The following VSIG4 variants were observed in gnomAD, a reference collection of about 807,000 sequenced individuals.
VSIG4 encodes V-set and immunoglobulin domain-containing protein 4.
VSIG4 carries 34 observed loss-of-function variants against 23.4 expected under a neutral mutation model. That is an observed-to-expected ratio of 1.45 (90% confidence interval 1.10 to 1.93). The LOEUF (loss-of-function observed/expected upper bound fraction) is 1.93, where lower values mean the gene tolerates loss of function less well. Ranked by LOEUF, VSIG4 falls within the 30% of genes most tolerant of loss-of-function variation. The pLI is 0.00. For synonymous variants in VSIG4, 169 were observed against 120.3 expected (o/e 1.41, Z -2.65); for missense variants, 433 against 310.8 (o/e 1.39, Z -2.96).
intron 1 of VSIG4, among the ~76,000 whole-genome samples, chrX:66,036,741 A>G (rs1198487922): frequency 2.1e-5 from 1 of 47,273 alleles, no homozygotes; most frequent in African/African-American, 9.1e-5. Context: ...ATTATAATAT[A>G]TTAATAATAT....
chrX:66,034,073 C>G (rs1332342226), intron 1 of VSIG4, among the ~76,000 whole-genome samples: 1 of 111,803 alleles, frequency 8.9e-6, no homozygotes, highest in African/African-American at 3.3e-5. Context: ...TTTTATGTTA[C>G]TGTCTTGCTA....
At position 66,033,551 on chromosome X, in the gene VSIG4, G is replaced by A. The variant is rs766175105; in HGVS notation, c.335C>T (p.Thr112Met). 1.7e-5 allele frequency: 20 copies of A among 1,209,672 alleles called. No individual in the cohort carries two copies. The highest frequency in any genetic ancestry group is 2.3e-4 in the Middle Eastern group (1 of 4,352). ...AGGAGTCTGCCAGGTGACTTCACAC[G>A]TGTAGTGGCTCCGGTCATCCATCTC... ...TLEMDDRSHYTCEVTWQTPDG... is the reference protein window; with the variant it reads ...TLEMDDRSHYMCEVTWQTPDG... Residue 112 changes from threonine (T) to methionine (M), a missense_variant, in exon 2 of 8, where the codon ACG becomes ATG. Coordinates refer to ENST00000374737, the MANE Select transcript of VSIG4 (RefSeq NM_007268.3).
chrX:66,034,302 AC>A (rs754996065), intron 1 of VSIG4, among the ~76,000 whole-genome samples: 2 of 112,069 alleles, frequency 1.8e-5, no homozygotes, highest in Non-Finnish European at 3.8e-5. Context: ...GTAAATTTGC[AC>A]CTGGAGAAAG....
At chrX:66,038,227 G>A (rs1434551195) in intron 1 of VSIG4, among the ~76,000 whole-genome samples, 1 of 111,686 alleles carries the variant, frequency 9.0e-6, no homozygotes, top group Non-Finnish European at 1.9e-5. Context: ...GTTTTTAGCA[G>A]TGAAGCTGCA....
intron 7 of VSIG4, 106 bp from the exon 8 acceptor site, chrX:66,022,606 A>G: frequency 8.8e-7 from 1 of 1,142,628 alleles, no homozygotes; most frequent in Non-Finnish European, 1.2e-6. Context: ...GGATCCTACC[A>G]CCCAGGGATT....
rs141549146 is a variant in VSIG4, at chrX:66,031,306, C to T, written c.694+1162G>A. On this transcript the variant is annotated intron_variant, in intron 3 of 7. Coordinates refer to ENST00000374737, the MANE Select transcript of VSIG4 (RefSeq NM_007268.3). ...GGGCTTTCTGGTCACGCCCTGCCCT[C>T]TCTGCTTGACCAGACTGTCAGCTCT... 1.1e-4 allele frequency among the ~76,000 whole-genome samples: 12 copies of T among 110,203 alleles called. No individual in the cohort carries two copies. The East Asian group carries it at 3.4e-3, about 32-fold the overall frequency.
At chrX:66,034,777 G>A (rs370009487) in intron 1 of VSIG4, among the ~76,000 whole-genome samples, 3 of 88,127 alleles carry the variant, frequency 3.4e-5, no homozygotes, top group African/African-American at 1.2e-4. Context: ...GGGGGTGGGG[G>A]TGGGGAAGGA....
At chrX:66,022,975 T>C in intron 6 of VSIG4, 113 bp from the exon 7 acceptor site, 1 of 825,101 alleles carries the variant, frequency 1.2e-6, no homozygotes, top group South Asian at 2.4e-5. Context: ...GGAGGGGATT[T>C]TAATATGTCT....
At chrX:66,034,678 G>C (rs1021249325) in intron 1 of VSIG4, among the ~76,000 whole-genome samples, 11 of 104,902 alleles carry the variant, frequency 1.0e-4, no homozygotes, top group Admixed American at 2.1e-4. Context: ...GGTTCTGAGT[G>C]AAATCCTGAA....
In VSIG4 at chrX:66,033,826, A is replaced by G. The variant is rs981529502; in HGVS notation, c.60T>C (p.Arg20=). The G allele has an allele frequency of 1.7e-6, 2 of 1,200,153 alleles. No individual in the cohort carries two copies. Among genetic ancestry groups the G allele is most frequent in the Admixed American group, 2.2e-5 (1 of 45,258 alleles). The stretch of plus-strand genomic sequence containing the variant: ...CACTCTCTGGCACTTCCAGGATGGG[A>G]CGGCCTGAAGAGGCGGAACAGAGGA... The part of the protein sequence containing the change: ...LGHLTVDTYG[R]PILEVPESVT... Residue 20 remains arginine, a synonymous_variant, in exon 2 of 8, where the codon CGT becomes CGC. Coordinates refer to ENST00000374737, the MANE Select transcript of VSIG4 (RefSeq NM_007268.3).
intron 3 of VSIG4, among the ~76,000 whole-genome samples, chrX:66,028,616 C>A (rs756383373): frequency 2.0e-5 from 2 of 97,685 alleles, no homozygotes; most frequent in Non-Finnish European, 4.0e-5. Context: ...AGGTTTGCAG[C>A]ACCTTAGACA....
In VSIG4 at chrX:66,022,420, G is replaced by C; in HGVS notation, c.1043C>G (p.Pro348Arg). Residue 348 changes from proline (P) to arginine (R), a missense_variant, in exon 8 of 8, where the codon CCA (proline) becomes CGA (arginine). Physicochemically the swap from Pro to Arg is moderately radical, Grantham distance 103. Coordinates refer to ENST00000374737, the MANE Select transcript of VSIG4 (RefSeq NM_007268.3). ...IFASGCSSDE[P>R]TSQNLGNNYS... ...GTTGTTGCCCAGATTCTGGGAAGTT[G>C]GCTCATCACTGGAGCAGCCACTTGC... 2 of 1,211,993 alleles carry C rather than the reference G, an allele frequency of 1.7e-6. No homozygotes were observed. Among genetic ancestry groups the C allele is most frequent in the Non-Finnish European group, 2.2e-6 (2 of 895,567 alleles).
At chrX:66,036,985 C>A (rs868109027) in intron 1 of VSIG4, among the ~76,000 whole-genome samples, 200 of 12,741 alleles carry the variant, frequency 0.016, 10 homozygotes, top group African/African-American at 0.088. Context: ...TATAATATAT[C>A]ATATAATATA....
chrX:66,030,897 C>A (rs1298447248), intron 3 of VSIG4, among the ~76,000 whole-genome samples: 1 of 111,115 alleles, frequency 9.0e-6, no homozygotes, highest in Non-Finnish European at 1.9e-5. Context: ...CAGAGTCATT[C>A]TAGAACTAAA....
At chrX:66,034,539 C>T (rs1457529103) in intron 1 of VSIG4, among the ~76,000 whole-genome samples, 1 of 111,814 alleles carries the variant, frequency 8.9e-6, no homozygotes, top group East Asian at 2.8e-4. Context: ...ACTTTGTAAA[C>T]CTGACTTTTT....
At position 66,022,180 on chromosome X, in the gene VSIG4, G is replaced by C. The variant is rs1217827677; in HGVS notation, c.*83C>G. 2.5e-6 allele frequency: 3 copies of C among 1,209,843 alleles called. No individual in the cohort carries two copies. Among genetic ancestry groups the C allele is most frequent in the Non-Finnish European group, 3.4e-6 (3 of 894,468 alleles). ...GGACACTTTGGGCTATCCAGGAAGA[G>C]AGGTAGCAGGGAAGAAGGCCATGCA... is the stretch of plus-strand genomic sequence containing the variant. On this transcript the variant is annotated 3_prime_UTR_variant, in exon 8 of 8. Coordinates refer to ENST00000374737, the MANE Select transcript of VSIG4 (RefSeq NM_007268.3).
intron 2 of VSIG4, among the ~76,000 whole-genome samples, chrX:66,033,002 A>G (rs2085483420): frequency 1.8e-5 from 2 of 111,465 alleles, no homozygotes; most frequent in African/African-American, 6.5e-5. Context: ...CTTTAAAATT[A>G]ATGTAGTTTG....
At chrX:66,034,789 G>A (rs1289423213) in intron 1 of VSIG4, among the ~76,000 whole-genome samples, 1 of 104,150 alleles carries the variant, frequency 9.6e-6, no homozygotes, top group African/African-American at 3.4e-5. Flanking sequence ...GGGGAAGGAG[G>A]TGGGGATGTT....
Position 66,021,997 on chromosome X carries a change from G to T in VSIG4, c.*266C>A. On this transcript the variant is annotated 3_prime_UTR_variant, in exon 8 of 8. Coordinates refer to ENST00000374737, the MANE Select transcript of VSIG4 (RefSeq NM_007268.3). ...ATGATGACCAAGTCCTAGTGCTATG[G>T]GCATCTTCCCTCTGGTATTTAGAGA... is the stretch of plus-strand genomic sequence containing the variant. 9.3e-7 allele frequency: 1 copy of T among 1,079,500 alleles called. No homozygotes were observed. The highest frequency in any genetic ancestry group is 1.2e-6 in the Non-Finnish European group (1 of 800,784). The allele number at this position is 1,079,500 out of a possible 1,213,427, so 89.0% of individuals were successfully genotyped here. A position where few individuals can be genotyped will look rare whatever the true frequency, so the allele number is the denominator to read the frequency against.
Sources: allele counts gnomAD v4.1 joint callset (sites outside exome capture counted in the v4.1 genomes callset), GRCh38; gene constraint gnomAD v4.1.1; transcripts MANE v1.5; gene names NCBI Gene and HGNC (gene_info 2026-07-23, HGNC 2026-07-21).